The following DOCK7 variants were observed in gnomAD, a reference collection of about 807,000 sequenced individuals.
The protein encoded by DOCK7 is dedicator of cytokinesis protein 7.
A neutral mutation model predicts 271.0 loss-of-function variants in DOCK7; 138 were observed. The observed-to-expected ratio is 0.51, with a 90% confidence interval of 0.44 to 0.59. DOCK7 has a LOEUF of 0.59. Among genes scored for constraint, DOCK7 ranks in the 20% least tolerant of loss-of-function variants. The pLI, the probability that DOCK7 is intolerant of heterozygous loss-of-function variation, is 0.00. For missense variants in DOCK7, 2,066 were observed against 2,592.4 expected, an observed-to-expected ratio of 0.80 and a Z score of 4.41; for synonymous variants, 823 against 876.1, an observed-to-expected ratio of 0.94 and a Z score of 1.07.
intron 37 of DOCK7, among the ~76,000 whole-genome samples, chr1:62,497,945 C>T (rs1646669423): frequency 6.6e-6 from 1 of 151,934 alleles, no homozygotes; most frequent in African/African-American, 2.4e-5. Flanking sequence ...TTCTTCCAGC[C>T]ATAACCATCA....
intron 31 of DOCK7, among the ~76,000 whole-genome samples, chr1:62,526,257 AAT>A (rs2149365953): frequency 1.3e-5 from 2 of 152,334 alleles, no homozygotes; most frequent in South Asian, 4.1e-4. Context: ...AAAAGATTTG[AAT>A]AGACTTTTCT....
chr1:62,672,763 TAACTTGCC>T (rs1424319899), intron 1 of DOCK7, among the ~76,000 whole-genome samples: 11 of 152,126 alleles, frequency 7.2e-5, no homozygotes, highest in African/African-American at 1.2e-4. Context: ...AAAAATAAAG[TAACTTGCC>T]CAAGTTTATG....
chr1:62,550,460 T>A (rs59662235), intron 22 of DOCK7, among the ~76,000 whole-genome samples: 5,522 of 151,896 alleles, frequency 0.036, 247 homozygotes, highest in African/African-American at 0.11. Flanking sequence ...GTTAGGAGGT[T>A]TGAGGTAATG....
intron 14 of DOCK7, among the ~76,000 whole-genome samples, chr1:62,616,352 G>C (rs1652433394): frequency 6.6e-6 from 1 of 151,378 alleles, no homozygotes; most frequent in African/African-American, 2.4e-5. Flanking sequence ...TTTATATCAA[G>C]TGTATCACTT....
rs1646916299 is a variant in DOCK7 at position 62,505,664 on chromosome 1, A to T, written c.4611+18T>A. 1 of 1,598,036 alleles carries T rather than the reference A, an allele frequency of 6.3e-7. No individual in the cohort carries two copies. Among genetic ancestry groups the T allele is most frequent in the Non-Finnish European group, 8.5e-7 (1 of 1,175,240 alleles). ...AAAAAACAAAGTCTGACAACACTGC[A>T]GGTACAAAATAACCTACCTTTGAAA... is the stretch of plus-strand genomic sequence containing the variant. On this transcript the variant is annotated intron_variant, in intron 36 of 49. Coordinates refer to ENST00000635253, the MANE Select transcript of DOCK7 (RefSeq NM_001367561.1).
Position 62,492,713 on chromosome 1 carries a change from G to C in DOCK7, c.5352C>G (p.Ser1784=). Residue 1784 remains serine (S), a synonymous_variant, in exon 41 of 50, where the codon TCC becomes TCG. Coordinates refer to ENST00000635253, the MANE Select transcript of DOCK7 (RefSeq NM_001367561.1). Reference sequence around the variant, plus strand: ...AACAAGAGTCATCTACCATAGAGAAGGAAGCAGCTGCTTGTTCCAGTAATC... The same window carrying C: ...AACAAGAGTCATCTACCATAGAGAACGAAGCAGCTGCTTGTTCCAGTAATC... ...LVGLLEQAAA[S]FSMAGMYEAV... 6.2e-7 allele frequency: 1 copy of C among 1,614,038 alleles called. No individual in the cohort carries two copies. Among genetic ancestry groups the C allele is most frequent in the Non-Finnish European group, 8.5e-7 (1 of 1,179,960 alleles).
intron 31 of DOCK7, 56 bp downstream of exon 31, chr1:62,528,095 C>T (rs2149370102): frequency 6.5e-7 from 1 of 1,545,810 alleles, no homozygotes; most frequent in East Asian, 2.3e-5. Context: ...AAGGGCATAT[C>T]CTAGTAAATA....
At chr1:62,620,739 C>T (rs928971932) in intron 12 of DOCK7, among the ~76,000 whole-genome samples, 1 of 151,704 alleles carries the variant, frequency 6.6e-6, no homozygotes, top group Non-Finnish European at 1.5e-5. Flanking sequence ...AAAAAATTAG[C>T]CGGGCGGGAT....
At chr1:62,473,337 G>C (rs1645883609) in intron 48 of DOCK7, among the ~76,000 whole-genome samples, 1 of 152,140 alleles carries the variant, frequency 6.6e-6, no homozygotes, top group South Asian at 2.1e-4. Context: ...ATTCTGGGGG[G>C]AGGGAAGCAG....
Position 62,625,395 on chromosome 1 carries a change from T to A in DOCK7, c.1289A>T (p.Lys430Ile). 20 of 1,589,844 alleles carry A rather than the reference T, an allele frequency of 1.3e-5. No individual in the cohort carries two copies. The highest frequency in any genetic ancestry group is 1.6e-5 in the Non-Finnish European group (19 of 1,171,070). ...ATTCCTCCTCTCTGACCAAGACCCT[T>A]TTCGTTCTACAAAAGAATTAAAAAA... Reference protein sequence around the residue: ...TEVEISTGERKGSWSERRNSS... With the variant: ...TEVEISTGERIGSWSERRNSS... The change falls in exon 12 of 50, where the codon AAA (lysine) becomes ATA (isoleucine). Residue 430 changes from lysine to isoleucine, a missense_variant. Lys to Ile is a moderately radical substitution (Grantham distance 102, BLOSUM62 -3). This residue lies in a region of DOCK7 where 1,414 missense variants were observed against 1,670.4 expected (regional missense o/e 0.85). Coordinates refer to ENST00000635253, the MANE Select transcript of DOCK7 (RefSeq NM_001367561.1).
At chr1:62,608,242 C>G (rs1651286025) in intron 14 of DOCK7, 1 of 152,156 alleles carries the variant, frequency 6.6e-6, no homozygotes, top group Non-Finnish European at 1.5e-5. Context: ...GCCTTTGGAA[C>G]AAAATCCAAA....
At chr1:62,598,926 TGTTA>T (rs1649702502) in intron 14 of DOCK7, 1 of 685,946 alleles carries the variant, frequency 1.5e-6, no homozygotes, top group African/African-American at 1.8e-5. Context: ...TCAGCATAAC[TGTTA>T]AAATTGCAGG....
At position 62,514,043 on chromosome 1, in the gene DOCK7, T is replaced by C; in HGVS notation, c.3937-145A>G. On this transcript the variant is annotated intron_variant, in intron 31 of 49. Coordinates refer to ENST00000635253, the MANE Select transcript of DOCK7 (RefSeq NM_001367561.1). ...AAAAACCATTTGATTCAGACAACACTTGTACAAAAGGATCATATATAACCT... is the reference window on the plus strand; with the variant it reads ...AAAAACCATTTGATTCAGACAACACCTGTACAAAAGGATCATATATAACCT... 7 of 688,848 alleles carry C rather than the reference T, an allele frequency of 1.0e-5. No individual in the cohort carries two copies. The South Asian group carries it at 1.4e-4, about 14-fold the overall frequency. The allele number at this position is 688,848 out of a possible 1,614,324, so 42.7% of individuals were successfully genotyped here.
intron 34 of DOCK7, among the ~76,000 whole-genome samples, chr1:62,508,761 C>T (rs1644389481): frequency 1.3e-5 from 2 of 149,106 alleles, no homozygotes; most frequent in African/African-American, 5.0e-5. Flanking sequence ...GAAAAAAGAA[C>T]AAAACAGTTT....
Position 62,604,511 on chromosome 1 carries a change from G to T in DOCK7, c.1682+14195C>A, listed in dbSNP as rs530058126. On this transcript the variant is annotated intron_variant, in intron 14 of 49. Transcript: ENST00000635253. Reference sequence around the variant, plus strand: ...GACTTATACAGATTATTTAAAACTGGGATACATGCATCTAAAACACTGTAA... The same window carrying T: ...GACTTATACAGATTATTTAAAACTGTGATACATGCATCTAAAACACTGTAA... The T allele has an allele frequency of 6.6e-6, 7 of 1,062,734 alleles. No individual in the cohort carries two copies. In the East Asian group the frequency reaches 1.8e-4, roughly 27 times the overall value. 65.8% of individuals were successfully genotyped at this position (1,062,734 alleles called of 1,614,324 possible). A position where few individuals can be genotyped will look rare whatever the true frequency, so the allele number is the denominator to read the frequency against.
intron 37 of DOCK7, among the ~76,000 whole-genome samples, chr1:62,501,570 T>C (rs1404705599): frequency 1.3e-5 from 2 of 152,180 alleles, no homozygotes; most frequent in Non-Finnish European, 2.9e-5. Flanking sequence ...ATTTTATCAC[T>C]GTTCATTAAA....
chr1:62,523,153 GT>G (rs1250208647), intron 31 of DOCK7, among the ~76,000 whole-genome samples: 1 of 151,974 alleles, frequency 6.6e-6, no homozygotes. Flanking sequence ...AGGTTTATTG[GT>G]TTTTGTTTAT....
At chr1:62,651,381 A>C (rs947138946) in intron 4 of DOCK7, among the ~76,000 whole-genome samples, 2 of 150,948 alleles carry the variant, frequency 1.3e-5, no homozygotes, top group African/African-American at 4.9e-5. Flanking sequence ...GCACACCAAC[A>C]TGGCACATGT....
At chr1:62,498,574 A>G (rs1309182968) in intron 37 of DOCK7, among the ~76,000 whole-genome samples, 1 of 151,656 alleles carries the variant, frequency 6.6e-6, no homozygotes, top group African/African-American at 2.4e-5. Flanking sequence ...TCTGAACTAG[A>G]TTCATCTGTT....
Sources: allele counts gnomAD v4.1 joint callset (sites outside exome capture counted in the v4.1 genomes callset), GRCh38; gene constraint gnomAD v4.1.1; regional missense constraint gnomAD v4.1.1; transcripts MANE v1.5; gene names NCBI Gene and HGNC (gene_info 2026-07-23, HGNC 2026-07-21).